The following GRIN2A variants were observed in gnomAD, a reference collection of about 807,000 sequenced individuals.
GRIN2A encodes glutamate ionotropic receptor NMDA type subunit 2A.
Under a neutral mutation model 113.4 loss-of-function variants are expected in GRIN2A, and 22 were observed. That is an observed-to-expected ratio of 0.19 (90% confidence interval 0.14 to 0.28). The LOEUF (loss-of-function observed/expected upper bound fraction) is 0.28, where lower values mean the gene tolerates loss of function less well. Ranked by LOEUF, GRIN2A falls within the 10% of genes least tolerant of loss-of-function variation. The pLI is 1.00. For missense variants in GRIN2A, 1,502 were observed against 1,887.0 expected (o/e 0.80, Z 3.78); for synonymous variants, 827 against 738.4 (o/e 1.12, Z -1.94).
chr16:9,885,334 T>C (rs2043567038), intron 4 of GRIN2A, among the ~76,000 whole-genome samples: 1 of 152,134 alleles, frequency 6.6e-6, no homozygotes, highest in Non-Finnish European at 1.5e-5. Context: ...GGTTTTGTTT[T>C]TGAGCATCTC....
chr16:10,085,491 G>C (rs1185570536), intron 2 of GRIN2A, among the ~76,000 whole-genome samples: 1 of 152,150 alleles, frequency 6.6e-6, no homozygotes, highest in Non-Finnish European at 1.5e-5. Context: ...TGAATTAGAG[G>C]ACATGAAGGC....
intron 2 of GRIN2A, among the ~76,000 whole-genome samples, chr16:10,138,598 A>T (rs1405980092): frequency 6.6e-6 from 1 of 152,080 alleles, no homozygotes; most frequent in African/African-American, 2.4e-5. Flanking sequence ...CGTGGGGATT[A>T]CAATTTGAGA....
chr16:10,136,696 C>T (rs1356272180), intron 2 of GRIN2A, among the ~76,000 whole-genome samples: 1 of 152,182 alleles, frequency 6.6e-6, no homozygotes, highest in African/African-American at 2.4e-5. Flanking sequence ...TAAGTTCACT[C>T]CACCTTCACA....
intron 2 of GRIN2A, among the ~76,000 whole-genome samples, chr16:9,987,320 T>C (rs561162594): frequency 3.9e-5 from 6 of 152,336 alleles, no homozygotes; most frequent in African/African-American, 1.4e-4. Flanking sequence ...ATTAATTTTG[T>C]AGGTGCATAT....
chr16:10,147,590 T>C (rs1033173420), intron 2 of GRIN2A, among the ~76,000 whole-genome samples: 1 of 150,066 alleles, frequency 6.7e-6, no homozygotes, highest in African/African-American at 2.5e-5. Context: ...TGAGCTGAGA[T>C]TGCACCGCTG....
At position 9,927,713 on chromosome 16, in the gene GRIN2A, G is replaced by A. The variant is rs58729649; in HGVS notation, c.1007+10246C>T. Reference sequence around the variant, plus strand: ...GGTCTTACCCTTAGAGTACTTTCACGTTTAAAAATATATATGCTTAGATAA... The same window carrying A: ...GGTCTTACCCTTAGAGTACTTTCACATTTAAAAATATATATGCTTAGATAA... On this transcript the variant is annotated intron_variant, in intron 3 of 12. Coordinates refer to ENST00000330684, the MANE Select transcript of GRIN2A (RefSeq NM_001134407.3). Among the ~76,000 whole-genome samples, 706 of 152,230 alleles carry A rather than the reference G, an allele frequency of 4.6e-3. 7 individuals carry two copies. Among genetic ancestry groups the A allele is most frequent in the African/African-American group, 0.016 (653 of 41,540 alleles).
intron 2 of GRIN2A, among the ~76,000 whole-genome samples, chr16:10,091,457 TACACACACACAC>T (rs35961930): frequency 0.063 from 9,218 of 145,768 alleles, 387 homozygotes; most frequent in African/African-American, 0.12. Context: ...TGTGTGTGTA[TACACACACACAC>T]ACACACACAC....
chr16:10,075,336 G>A (rs780956913), intron 2 of GRIN2A, among the ~76,000 whole-genome samples: 17 of 151,968 alleles, frequency 1.1e-4, no homozygotes, highest in Non-Finnish European at 2.4e-4. Flanking sequence ...CTAAAGTCCC[G>A]TATCACAAAA....
At chr16:10,058,039 G>A (rs572898608) in intron 2 of GRIN2A, among the ~76,000 whole-genome samples, 43 of 152,202 alleles carry the variant, frequency 2.8e-4, no homozygotes, top group African/African-American at 1.0e-3. Context: ...TGGATCACTC[G>A]AGGTCAGGAG....
At chr16:9,861,303 G>A (rs576577280) in intron 4 of GRIN2A, among the ~76,000 whole-genome samples, 6 of 152,226 alleles carry the variant, frequency 3.9e-5, no homozygotes, top group South Asian at 2.1e-4. Flanking sequence ...CAAAGCAAAC[G>A]GGAGACCAAT....
intron 2 of GRIN2A, among the ~76,000 whole-genome samples, chr16:10,061,083 T>A (rs2047544107): frequency 6.6e-6 from 1 of 152,186 alleles, no homozygotes. Context: ...TGGGGTAGGA[T>A]TTCTGAGCTC....
chr16:9,804,682 C>T (rs1179981488), intron 10 of GRIN2A, among the ~76,000 whole-genome samples: 3 of 152,008 alleles, frequency 2.0e-5, no homozygotes, highest in Non-Finnish European at 4.4e-5. Context: ...CCAATGTCTG[C>T]GACAGACCAA....
intron 10 of GRIN2A, among the ~76,000 whole-genome samples, chr16:9,809,758 C>G (rs1027842477): frequency 4.6e-5 from 7 of 152,100 alleles, no homozygotes; most frequent in Non-Finnish European, 1.0e-4. Flanking sequence ...CTAAGAGTTA[C>G]AGGTAATACA....
chr16:9,789,851 C>G (rs1217212811), intron 11 of GRIN2A, among the ~76,000 whole-genome samples: 6 of 152,146 alleles, frequency 3.9e-5, no homozygotes, highest in Non-Finnish European at 5.9e-5. Flanking sequence ...TTTCACAAGC[C>G]CCTCCTTGGG....
At chr16:9,913,423 C>T (rs1407300786) in intron 3 of GRIN2A, among the ~76,000 whole-genome samples, 1 of 152,144 alleles carries the variant, frequency 6.6e-6, no homozygotes, top group African/African-American at 2.4e-5. Flanking sequence ...GATTTATAGA[C>T]ATTTGCTACA....
chr16:9,927,688 G>A (rs756980195), intron 3 of GRIN2A, among the ~76,000 whole-genome samples: 147 of 152,246 alleles, frequency 9.7e-4, no homozygotes, highest in Non-Finnish European at 1.6e-3. Flanking sequence ...ATACATGGTA[G>A]GTCTTACCCT....
intron 11 of GRIN2A, among the ~76,000 whole-genome samples, chr16:9,781,549 T>C (rs1224049544): frequency 6.6e-6 from 1 of 152,116 alleles, no homozygotes; most frequent in Non-Finnish European, 1.5e-5. Context: ...TTTGTAGAGA[T>C]GGGGTCTCAC....
chr16:10,121,164 T>A (rs1045198166), intron 2 of GRIN2A, among the ~76,000 whole-genome samples: 3 of 149,434 alleles, frequency 2.0e-5, no homozygotes, highest in African/African-American at 7.3e-5. Flanking sequence ...TGCTACACTG[T>A]ATCACACACA....
intron 3 of GRIN2A, among the ~76,000 whole-genome samples, chr16:9,919,741 G>GAATTTTGTTTCA (rs1275728558): frequency 2.0e-5 from 3 of 152,166 alleles, no homozygotes; most frequent in African/African-American, 7.2e-5. Flanking sequence ...TCTCATCGTG[G>GAATTTTGTTTCA]TCTCTGAGGA....
Sources: allele counts gnomAD v4.1 joint callset (sites outside exome capture counted in the v4.1 genomes callset), GRCh38; gene constraint gnomAD v4.1.1; transcripts MANE v1.5; gene names NCBI Gene and HGNC (gene_info 2026-07-23, HGNC 2026-07-21).